LIN52: variants seen among roughly 807,000 people sequenced by gnomAD.
LIN52 encodes the protein protein lin-52 homolog.
In LIN52, 4 loss-of-function variants were observed where a neutral mutation model predicts 18.5. The observed-to-expected ratio is 0.22, with a 90% CI of 0.11 to 0.49. The LOEUF is 0.49. Among genes scored for constraint, LIN52 ranks in the 20% least tolerant of loss-of-function variants. The probability of loss-of-function intolerance (pLI) is 0.97; values close to 1 mark genes in which losing one functional copy is unlikely to be tolerated. For synonymous variants in LIN52, 34 were observed against 45.5 expected (o/e 0.75, Z 1.02); for missense variants, 102 against 139.5 (o/e 0.73, Z 1.35).
At chr14:74,157,113 A>G (rs1263431560) in intron 5 of LIN52, among the ~76,000 whole-genome samples, 1 of 148,676 alleles carries the variant, frequency 6.7e-6, no homozygotes, top group Non-Finnish European at 1.5e-5. Context: ...GCTCACTGCA[A>G]CCTCCACCTC....
intron 5 of LIN52, among the ~76,000 whole-genome samples, chr14:74,123,443 A>T (rs546630630): frequency 6.6e-6 from 1 of 152,212 alleles, no homozygotes; most frequent in Non-Finnish European, 1.5e-5. Flanking sequence ...AGGAAGAAGA[A>T]GACCTTTGAG....
chr14:74,184,356 C>T (rs564511734), intron 5 of LIN52, among the ~76,000 whole-genome samples: 2 of 152,374 alleles, frequency 1.3e-5, no homozygotes, highest in Admixed American at 6.5e-5. Flanking sequence ...CGTGAGCCAC[C>T]ACACCCGGCC....
At chr14:74,179,401 T>A (rs1288944028) in intron 5 of LIN52, among the ~76,000 whole-genome samples, 1 of 152,186 alleles carries the variant, frequency 6.6e-6, no homozygotes, top group Non-Finnish European at 1.5e-5. Context: ...GACTCATGCC[T>A]GTAATCCCAA....
At chr14:74,189,103 T>G (rs2061352427) in intron 5 of LIN52, among the ~76,000 whole-genome samples, 1 of 152,240 alleles carries the variant, frequency 6.6e-6, no homozygotes, top group Non-Finnish European at 1.5e-5. Context: ...TAAGCTACTC[T>G]GTCTAACTTG....
intron 5 of LIN52, among the ~76,000 whole-genome samples, chr14:74,168,540 T>A (rs2061258802): frequency 6.6e-6 from 1 of 151,544 alleles, no homozygotes; most frequent in African/African-American, 2.4e-5. Context: ...TGGTGGTGGG[T>A]GCCTGTAGTC....
intron 5 of LIN52, among the ~76,000 whole-genome samples, chr14:74,173,104 A>G (rs1043172128): frequency 5.3e-5 from 8 of 152,210 alleles, no homozygotes; most frequent in African/African-American, 1.9e-4. Flanking sequence ...TCTGTTGTTC[A>G]TGATCTGAAT....
At chr14:74,168,669 G>GA (rs375730844) in intron 5 of LIN52, among the ~76,000 whole-genome samples, 4,843 of 145,766 alleles carry the variant, frequency 0.033, 196 homozygotes, top group African/African-American at 0.099. Context: ...CTCCGTCTCA[G>GA]AAAAAAAAAA....
chr14:74,137,988 T>C (rs1245861952), intron 5 of LIN52, among the ~76,000 whole-genome samples: 3 of 152,222 alleles, frequency 2.0e-5, no homozygotes, highest in African/African-American at 7.2e-5. Flanking sequence ...AGAATTGATA[T>C]TTTCTCCAAT....
chr14:74,127,957 G>A (rs1003175896), intron 5 of LIN52, among the ~76,000 whole-genome samples: 1 of 152,266 alleles, frequency 6.6e-6, no homozygotes, highest in African/African-American at 2.4e-5. Context: ...TTTCTCTTGA[G>A]CATGTAAGTC....
intron 5 of LIN52, among the ~76,000 whole-genome samples, chr14:74,119,393 T>G (rs1181338226): frequency 6.6e-6 from 1 of 152,148 alleles, no homozygotes; most frequent in Non-Finnish European, 1.5e-5. Context: ...CTCGATCTCC[T>G]GACCTCGTGA....
intron 5 of LIN52, among the ~76,000 whole-genome samples, chr14:74,142,650 A>G (rs879201649): frequency 6.6e-6 from 1 of 151,874 alleles, no homozygotes; most frequent in Admixed American, 6.5e-5. Flanking sequence ...ACCACATTGG[A>G]CAGCACTGCT....
chr14:74,126,725 C>G (rs530626286), intron 5 of LIN52, among the ~76,000 whole-genome samples: 5 of 152,172 alleles, frequency 3.3e-5, no homozygotes, highest in Non-Finnish European at 7.4e-5. Flanking sequence ...GTTCCCAGGG[C>G]CTAGAGAAAG....
At chr14:74,195,554 GTA>G (rs957556108) in intron 5 of LIN52, among the ~76,000 whole-genome samples, 2 of 54,162 alleles carry the variant, frequency 3.7e-5, no homozygotes, top group Non-Finnish European at 8.2e-5. Flanking sequence ...GTGTGTGTGT[GTA>G]TGTGTGTGTG....
At chr14:74,135,204 A>G (rs1169407575) in intron 5 of LIN52, among the ~76,000 whole-genome samples, 1 of 152,058 alleles carries the variant, frequency 6.6e-6, no homozygotes, top group Admixed American at 6.6e-5. Flanking sequence ...AGCTGGTCCT[A>G]CAGTCGCGTA....
chr14:74,096,585 T>C (rs553997654), intron 3 of LIN52, among the ~76,000 whole-genome samples: 2 of 152,184 alleles, frequency 1.3e-5, no homozygotes, highest in South Asian at 4.2e-4. Context: ...GTGTTTTGCT[T>C]GTCACATAAT....
At chr14:74,099,728 G>T (rs1399107173) in intron 4 of LIN52, among the ~76,000 whole-genome samples, 1 of 151,960 alleles carries the variant, frequency 6.6e-6, no homozygotes, top group African/African-American at 2.4e-5. Context: ...AGTGCTGATT[G>T]ATTGGGCTGG....
At chr14:74,132,572 A>G (rs4899496) in intron 5 of LIN52, among the ~76,000 whole-genome samples, 34,157 of 152,052 alleles carry the variant, frequency 0.22, 4,166 homozygotes, top group South Asian at 0.46. Flanking sequence ...GTAGTGGCAC[A>G]ATCTCAGCTC....
At chr14:74,092,907 A>C (rs2060782913) in intron 2 of LIN52, among the ~76,000 whole-genome samples, 1 of 150,904 alleles carries the variant, frequency 6.6e-6, no homozygotes, top group Non-Finnish European at 1.5e-5. Context: ...ACAGAGAAAG[A>C]CTCTTTCTCA....
In LIN52 at chr14:74,175,745, CACA is replaced by C. The variant is rs1265616427; in HGVS notation, c.284-23176_284-23174del. On this transcript the variant is annotated intron_variant, in intron 5 of 5. Transcript: ENST00000555028. Reference sequence around the variant, plus strand: ...ACACACACACACACACACACACACACACACACCCCCATTATACAGCTATACCAA... The same window carrying C: ...ACACACACACACACACACACACACACCACCCCCATTATACAGCTATACCAA... Among the ~76,000 whole-genome samples, 817 of 143,002 alleles carry C rather than the reference CACA, an allele frequency of 5.7e-3. 7 individuals are homozygous for C. The highest frequency in any genetic ancestry group is 8.3e-3 in the Non-Finnish European group (558 of 67,372). 93.8% of individuals were successfully genotyped at this position (143,002 alleles called of 152,430 possible).
Sources: gnomAD v4.1 joint callset for allele counts (sites outside exome capture counted in the v4.1 genomes callset) on GRCh38, gnomAD v4.1.1 for gene constraint, MANE v1.5 for transcripts, NCBI Gene and HGNC (gene_info 2026-07-23, HGNC 2026-07-21) for gene names.